The following RHOBTB3 variants were observed in gnomAD, a reference collection of about 807,000 sequenced individuals.
The protein encoded by RHOBTB3 is Rho related BTB domain containing 3.
RHOBTB3 carries 47 observed loss-of-function variants against 67.2 expected under a neutral mutation model. The ratio of observed to expected loss-of-function variants is 0.70; its 90% CI spans 0.55 to 0.89. The LOEUF is 0.89. Ranked by LOEUF, RHOBTB3 falls within the 40% of genes least tolerant of loss-of-function variation. The pLI is 0.00. For missense variants in RHOBTB3, 631 were observed against 750.0 expected, an observed-to-expected ratio of 0.84 and a Z score of 1.85; for synonymous variants, 273 against 274.2, an observed-to-expected ratio of 1.00 and a Z score of 0.04.
chr5:95,749,434 CA>C (rs1745026714), intron 4 of RHOBTB3, among the ~76,000 whole-genome samples: 1 of 152,080 alleles, frequency 6.6e-6, no homozygotes, highest in Non-Finnish European at 1.5e-5. Context: ...CAATTTCCAT[CA>C]AATATAAATG....
intron 11 of RHOBTB3, chr5:95,789,709 A>T (rs1010227206): frequency 6.6e-6 from 1 of 152,118 alleles, no homozygotes; most frequent in African/African-American, 2.4e-5. Context: ...AGAGGGAGTA[A>T]GGGAAAGGGA....
rs1298489541 is a variant in RHOBTB3, at chr5:95,796,093, CAG to C, written c.*2921_*2922del. On this transcript the variant is annotated 3_prime_UTR_variant, in exon 12 of 12. Transcript: ENST00000379982. The stretch of plus-strand genomic sequence containing the variant: ...ATGGTGGCTTCATATTAAGTAGTAA[CAG>C]AAGTCTGAACAATTGGATAAATTTG... The C allele has an allele frequency of 6.6e-6, 1 of 152,178 alleles. No individual in the cohort carries two copies. Among genetic ancestry groups the C allele is most frequent in the African/African-American group, 2.4e-5 (1 of 41,430 alleles). 9.4% of individuals were successfully genotyped at this position (152,178 alleles called of 1,614,324 possible).
chr5:95,759,974 A>G (rs1163274880), intron 6 of RHOBTB3, among the ~76,000 whole-genome samples: 1 of 152,090 alleles, frequency 6.6e-6, no homozygotes, highest in Admixed American at 6.5e-5. Context: ...ACCAGATTAC[A>G]AAGAATATCT....
intron 1 of RHOBTB3, among the ~76,000 whole-genome samples, chr5:95,723,962 CAG>C (rs770276477): frequency 9.9e-5 from 15 of 152,090 alleles, no homozygotes; most frequent in South Asian, 2.1e-4. Flanking sequence ...AAAACACAAA[CAG>C]AAAATTTTTA....
At chr5:95,726,029 A>C (rs1198991860), upstream of RHOBTB3, among the ~76,000 whole-genome samples, 1 of 152,230 alleles carries the variant, frequency 6.6e-6, no homozygotes, top group Non-Finnish European at 1.5e-5. Context: ...TTGGAACACA[A>C]TGTAGTAAAT....
Position 95,793,514 on chromosome 5 carries a change from A to G in RHOBTB3, c.*340A>G, listed in dbSNP as rs888013669. 2 of 174,084 alleles carry G rather than the reference A, an allele frequency of 1.1e-5. No homozygotes were observed. Among genetic ancestry groups the G allele is most frequent in the African/African-American group, 2.4e-5 (1 of 42,026 alleles). The allele number at this position is 174,084 out of a possible 1,614,324, so 10.8% of individuals were successfully genotyped here. A position where few individuals can be genotyped will look rare whatever the true frequency, so the allele number is the denominator to read the frequency against. ...AAAAAAAATTACGTAGGATTAATAC[A>G]GAAATTTAATCATGTCTGATTAATT... On this transcript the variant is annotated 3_prime_UTR_variant, in exon 12 of 12. Transcript: ENST00000379982.
intron 6 of RHOBTB3, among the ~76,000 whole-genome samples, chr5:95,763,246 A>G (rs926964829): frequency 1.3e-5 from 2 of 152,210 alleles, no homozygotes; most frequent in Non-Finnish European, 2.9e-5. Context: ...TGCTGTTATC[A>G]CTAGCTGCCC....
rs1333640310 is a variant in RHOBTB3, at chr5:95,731,575, G to A, written c.-108G>A. 7 of 1,518,628 alleles carry A rather than the reference G, an allele frequency of 4.6e-6. No individual in the cohort carries two copies. Among genetic ancestry groups the A allele is most frequent in the Non-Finnish European group, 6.2e-6 (7 of 1,133,186 alleles). 94.1% of individuals were successfully genotyped at this position (1,518,628 alleles called of 1,614,324 possible). On this transcript the variant is annotated 5_prime_UTR_variant, in exon 1 of 12. Transcript: ENST00000379982. ...CGCGGTGGAGGCGCGCGAGGGGGAC[G>A]CGGCCGGGGATGAGCGGATTGCGGG...
At chr5:95,733,984 C>A (rs1755383907) in intron 2 of RHOBTB3, among the ~76,000 whole-genome samples, 1 of 152,170 alleles carries the variant, frequency 6.6e-6, no homozygotes, top group African/African-American at 2.4e-5. Context: ...CTTATTTTCC[C>A]TATCTATAAA....
At chr5:95,737,874 CA>C (rs970321401) in intron 3 of RHOBTB3, among the ~76,000 whole-genome samples, 12 of 152,308 alleles carry the variant, frequency 7.9e-5, no homozygotes, top group African/African-American at 2.9e-4. Flanking sequence ...ATGCTCTTCC[CA>C]GTTAATAACG....
At chr5:95,758,244 GAGAA>G (rs1745303467) in intron 6 of RHOBTB3, among the ~76,000 whole-genome samples, 1 of 152,152 alleles carries the variant, frequency 6.6e-6, no homozygotes, top group Admixed American at 6.5e-5. Context: ...TGGAAAAAAA[GAGAA>G]AGAAAAGAAA....
At chr5:95,755,986 T>G in intron 6 of RHOBTB3, 1 of 481,174 alleles carries the variant, frequency 2.1e-6, no homozygotes, top group Non-Finnish European at 3.6e-6. Context: ...CAATTTCATT[T>G]TATTGTGGTA....
At chr5:95,750,087 T>C (rs1157846227) in intron 4 of RHOBTB3, among the ~76,000 whole-genome samples, 1 of 152,238 alleles carries the variant, frequency 6.6e-6, no homozygotes, top group Non-Finnish European at 1.5e-5. Flanking sequence ...TGTTTTACTT[T>C]CTAGTAAAGT....
In RHOBTB3 at chr5:95,750,413, A is replaced by G. The variant is rs148243252; in HGVS notation, c.571-1826A>G. Among the ~76,000 whole-genome samples the G allele has an allele frequency of 3.3e-4, 51 of 152,346 alleles. No individual in the cohort carries two copies. In the East Asian group the frequency reaches 8.7e-3, roughly 26 times the overall value. ...CTGTCCAGTATGGCAACCACTAGCT[A>G]CATGTGGCTATTTATATTTAAATGA... On this transcript the variant is annotated intron_variant, in intron 4 of 11. Transcript: ENST00000379982.
chr5:95,791,844 C>A (rs956314400), intron 11 of RHOBTB3, among the ~76,000 whole-genome samples: 11 of 152,112 alleles, frequency 7.2e-5, no homozygotes, highest in African/African-American at 2.7e-4. Context: ...TCGTGCCTGG[C>A]CTCCAGCAAG....
rs1755466462 is a variant in RHOBTB3, at chr5:95,736,914, C to A, written c.254C>A (p.Thr85Asn). The change falls in exon 3 of 12, where the codon ACT becomes AAT. Residue 85 changes from threonine to asparagine, a missense_variant. Coordinates refer to ENST00000379982, the MANE Select transcript of RHOBTB3 (RefSeq NM_014899.4). ...VWDIFDSDWY[T>N]SRNLIGGADI... Reference sequence around the variant, plus strand: ...GACATATTTGACAGTGATTGGTACACTTCTCGAAATCTAATTGGGGGCGCT... The same window carrying A: ...GACATATTTGACAGTGATTGGTACAATTCTCGAAATCTAATTGGGGGCGCT... 1 of 1,609,876 alleles carries A rather than the reference C, an allele frequency of 6.2e-7. No homozygotes were observed. The highest frequency in any genetic ancestry group is 1.3e-5 in the African/African-American group (1 of 74,740).
chr5:95,758,977 G>A (rs1445036200), intron 6 of RHOBTB3, among the ~76,000 whole-genome samples: 1 of 152,242 alleles, frequency 6.6e-6, no homozygotes, highest in African/African-American at 2.4e-5. Flanking sequence ...AGTAAAAATG[G>A]GGTGAGCTGT....
chr5:95,743,287 T>C (rs1189131875), intron 3 of RHOBTB3, among the ~76,000 whole-genome samples: 3 of 152,192 alleles, frequency 2.0e-5, no homozygotes, highest in Non-Finnish European at 2.9e-5. Flanking sequence ...GTTGGATTGA[T>C]GCCTTCCTCT....
intron 7 of RHOBTB3, 44 bp from the exon 8 acceptor site, chr5:95,768,002 G>A (rs369687651): frequency 6.9e-6 from 11 of 1,591,802 alleles, no homozygotes; most frequent in Non-Finnish European, 9.5e-6. Flanking sequence ...TGTTATCAAA[G>A]CATGTTAAAC....
Sources: gnomAD v4.1 joint callset for allele counts (sites outside exome capture counted in the v4.1 genomes callset) on GRCh38, gnomAD v4.1.1 for gene constraint, MANE v1.5 for transcripts, NCBI Gene and HGNC (gene_info 2026-07-23, HGNC 2026-07-21) for gene names.